PVT1: variants seen among roughly 807,000 people sequenced by gnomAD.
PVT1 encodes the protein Pvt1 oncogene, also known as CXCR4/PVT1 fusion.
intron 2 of PVT1, among the ~76,000 whole-genome samples, chr8:127,854,336 C>A (rs999653572): frequency 1.6e-4 from 24 of 152,338 alleles, no homozygotes; most frequent in African/African-American, 5.8e-4. Flanking sequence ...CAGGGGCTTG[C>A]TCATGGCTGC....
chr8:128,018,616 A>G (rs1265878806), intron 4 of PVT1, among the ~76,000 whole-genome samples: 1 of 152,162 alleles, frequency 6.6e-6, no homozygotes, highest in Non-Finnish European at 1.5e-5. Flanking sequence ...GTCAGGGTCA[A>G]ACAGGGGGTG....
intron 4 of PVT1, among the ~76,000 whole-genome samples, chr8:128,056,681 A>C (rs769418719): frequency 1.2e-4 from 18 of 152,292 alleles, no homozygotes; most frequent in Middle Eastern, 6.8e-3. Context: ...CTTGGGACGC[A>C]TCAGAAGTAT....
chr8:128,011,871 T>A (rs988667381), intron 4 of PVT1, among the ~76,000 whole-genome samples: 2 of 152,078 alleles, frequency 1.3e-5, no homozygotes, highest in African/African-American at 4.8e-5. Flanking sequence ...CCTGAGAGAA[T>A]GCTCTGTCTC....
At position 128,098,117 on chromosome 8, in the gene PVT1, T is replaced by C. The variant is rs553107254; in HGVS notation, n.1251+1463T>C. ...CAGTTCCTGTGTCCCCTCTACTCTC[T>C]GCCTTCCCCCCGCCCCACCATGTCC... is the stretch of plus-strand genomic sequence containing the variant. On this transcript the variant is annotated intron_variant and non_coding_transcript_variant, in intron 6 of 10. Transcript: ENST00000651587. Among the ~76,000 whole-genome samples, 37 of 152,214 alleles carry C rather than the reference T, an allele frequency of 2.4e-4. 1 individual carries two copies. The South Asian group carries it at 7.5e-3, about 31-fold the overall frequency.
intron 2 of PVT1, among the ~76,000 whole-genome samples, chr8:127,811,575 G>C (rs576535915): frequency 2.0e-5 from 3 of 152,282 alleles, no homozygotes; most frequent in African/African-American, 7.2e-5. Context: ...CCTCAGAACT[G>C]TTTGTATGTA....
chr8:127,842,256 ATT>A (rs11347742), intron 2 of PVT1, among the ~76,000 whole-genome samples: 291 of 140,810 alleles, frequency 2.1e-3, no homozygotes, highest in Non-Finnish European at 2.2e-3. Flanking sequence ...ACTGCTCTGG[ATT>A]TTTTTTTTTT....
intron 2 of PVT1, among the ~76,000 whole-genome samples, chr8:127,865,225 G>T (rs1437263279): frequency 6.6e-6 from 1 of 152,186 alleles, no homozygotes; most frequent in Non-Finnish European, 1.5e-5. Flanking sequence ...GGATGGTCCT[G>T]GCTTTTTCAG....
chr8:128,078,595 A>G (rs1030870984), intron 5 of PVT1, among the ~76,000 whole-genome samples: 2 of 152,192 alleles, frequency 1.3e-5, no homozygotes, highest in Non-Finnish European at 2.9e-5. Flanking sequence ...ATCTAGCTTT[A>G]CTGCCAGTTT....
intron 4 of PVT1, among the ~76,000 whole-genome samples, chr8:128,060,124 C>T (rs775518713): frequency 2.0e-5 from 3 of 152,044 alleles, no homozygotes; most frequent in Non-Finnish European, 2.9e-5. Context: ...GGTGTGGCAG[C>T]GTGCACCTGT....
intron 2 of PVT1, among the ~76,000 whole-genome samples, chr8:127,867,451 G>C (rs1264376981): frequency 6.6e-6 from 1 of 152,188 alleles, no homozygotes; most frequent in African/African-American, 2.4e-5. Flanking sequence ...TCCCGGGCTT[G>C]GCCAGCTTGC....
At chr8:128,060,251 G>A (rs568195620) in intron 4 of PVT1, among the ~76,000 whole-genome samples, 7 of 152,220 alleles carry the variant, frequency 4.6e-5, no homozygotes, top group African/African-American at 1.7e-4. Context: ...GTGAGACTCC[G>A]TCAAAAAGAA....
At chr8:127,794,859 G>T (rs1164958924) in intron 1 of PVT1, 1 of 152,538 alleles carries the variant, frequency 6.6e-6, no homozygotes, top group Non-Finnish European at 1.5e-5. Flanking sequence ...TGTGCTAGGC[G>T]TGCACTGTCC....
At position 127,898,748 on chromosome 8, in the gene PVT1, T is replaced by A. The variant is rs568745796; in HGVS notation, n.782+7750T>A. On this transcript the variant is annotated intron_variant and non_coding_transcript_variant, in intron 3 of 10. Transcript: ENST00000651587. The surrounding 1 kb of genome is among the most constrained non-coding windows in gnomAD (Gnocchi z 4.4). Reference sequence around the variant, plus strand: ...GGCGGTGGCGTGGGGGCTTCTTCCCTCTCTCTCTGTCTTGTAGCCTTGTTA... The same window carrying A: ...GGCGGTGGCGTGGGGGCTTCTTCCCACTCTCTCTGTCTTGTAGCCTTGTTA... Among the ~76,000 whole-genome samples the A allele has an allele frequency of 6.6e-6, 1 of 152,252 alleles. No individual in the cohort carries two copies. The highest frequency in any genetic ancestry group is 6.5e-5 in the Admixed American group (1 of 15,292).
At chr8:127,823,223 G>A (rs187364670) in intron 2 of PVT1, among the ~76,000 whole-genome samples, 156 of 152,274 alleles carry the variant, frequency 1.0e-3, no homozygotes, top group Middle Eastern at 0.01. Context: ...TGGGGATGTG[G>A]ATTCTTGTGT....
intron 2 of PVT1, among the ~76,000 whole-genome samples, chr8:127,850,095 G>A (rs1161550783): frequency 6.6e-6 from 1 of 152,246 alleles, no homozygotes; most frequent in South Asian, 2.1e-4. Flanking sequence ...TACACAGCCT[G>A]TAACTACATG....
In PVT1 at chr8:128,021,290, C is replaced by CTTTTTTTTTTTTTTTTTTT. The variant is rs11438511; in HGVS notation, n.912+32002_912+32020dup. 1.8e-4 allele frequency among the ~76,000 whole-genome samples: 15 copies of CTTTTTTTTTTTTTTTTTTT among 81,138 alleles called. 1 individual carries two copies. The highest frequency in any genetic ancestry group is 5.7e-4 in the African/African-American group (12 of 20,898). 53.2% of individuals were successfully genotyped at this position (81,138 alleles called of 152,430 possible). A position where few individuals can be genotyped will look rare whatever the true frequency, so the allele number is the denominator to read the frequency against. ...CCAGTCCGATTCCCCAGGACTTGTG[C>CTTTTTTTTTTTTTTTTTTT]TTTTTTTTTTTTTTTTTTTTTGAGA... On this transcript the variant is annotated intron_variant and non_coding_transcript_variant, in intron 4 of 10. Coordinates refer to ENST00000651587, the Ensembl canonical transcript of PVT1.
intron 2 of PVT1, among the ~76,000 whole-genome samples, chr8:127,860,295 G>T (rs1006703551): frequency 6.6e-6 from 1 of 152,206 alleles, no homozygotes; most frequent in Non-Finnish European, 1.5e-5. Flanking sequence ...CTGCTCCTCT[G>T]CCAGGAACCG....
intron 2 of PVT1, among the ~76,000 whole-genome samples, chr8:127,869,644 G>A (rs1279524583): frequency 6.6e-6 from 1 of 152,060 alleles, no homozygotes; most frequent in African/African-American, 2.4e-5. Flanking sequence ...ACTGTTCCCT[G>A]CTACTTCATA....
chr8:128,045,038 T>C (rs970647908), intron 4 of PVT1, among the ~76,000 whole-genome samples: 11 of 152,228 alleles, frequency 7.2e-5, no homozygotes, highest in Admixed American at 5.9e-4. Context: ...TTTGGGGACA[T>C]GCTTCCTGGA....
Sources: allele counts gnomAD v4.1 joint callset (sites outside exome capture counted in the v4.1 genomes callset), GRCh38; gene constraint gnomAD v4.1.1; non-coding constraint Gnocchi (gnomAD v3.1); transcripts MANE v1.5; gene names NCBI Gene and HGNC (gene_info 2026-07-23, HGNC 2026-07-21).